Variants in SATB1 observed in about 807,000 individuals in gnomAD.
SATB1 encodes the protein DNA-binding protein SATB1.
A neutral mutation model predicts 86.9 loss-of-function variants in SATB1; 11 were observed. The ratio of observed to expected loss-of-function variants is 0.13; its 90% confidence interval spans 0.08 to 0.21. The LOEUF is 0.21. Ranked by LOEUF, SATB1 falls within the 10% of genes least tolerant of loss-of-function variation. SATB1 has a pLI of 1.00. For missense variants in SATB1, 551 were observed against 937.6 expected (o/e 0.59, Z 5.39); for synonymous variants, 357 against 357.2 (o/e 1.00, Z 0.01).
Position 18,346,658 on chromosome 3 carries a change from A to G in SATB1, c.*2512T>C, listed in dbSNP as rs912145441. On this transcript the variant is annotated 3_prime_UTR_variant, in exon 11 of 11. Transcript: ENST00000338745. ...TTATCAAAACCACGCTGACTTTTAA[A>G]AGTTAAAAAATCTAAGTGGGAATTT... 1.3e-5 allele frequency: 2 copies of G among 152,024 alleles called. 1 individual carries two copies. Among genetic ancestry groups the G allele is most frequent in the Non-Finnish European group, 2.9e-5 (2 of 67,974 alleles). The allele number at this position is 152,024 out of a possible 1,614,324, so 9.4% of individuals were successfully genotyped here.
rs569037609 is a variant in SATB1, at chr3:18,349,524, C to T, written c.1938G>A (p.Arg646=). 8.1e-5 allele frequency: 130 copies of T among 1,613,994 alleles called. No individual in the cohort carries two copies. The highest frequency in any genetic ancestry group is 5.3e-5 in the Non-Finnish European group (62 of 1,180,034). Residue 646 remains arginine (R), a synonymous_variant, in exon 11 of 11, where the codon CGG becomes CGA. Coordinates refer to ENST00000338745, the MANE Select transcript of SATB1 (RefSeq NM_002971.6). The surrounding 1 kb of genome is among the most constrained non-coding windows in gnomAD (Gnocchi z 5.5). The part of the protein sequence containing the change: ...ESDEENRQKT[R]PRTKISVEAL... ...CTTCCACTGAAATTTTTGTTCGTGG[C>T]CGGGTCTTCTGTCGGTTTTCCTCAT... is the stretch of plus-strand genomic sequence containing the variant.
intron 1 of SATB1, among the ~76,000 whole-genome samples, chr3:18,437,444 A>G (rs1392125765): frequency 1.3e-5 from 2 of 152,176 alleles, no homozygotes; most frequent in Non-Finnish European, 2.9e-5. Context: ...TAAAGAATCA[A>G]GCAAGCAGCC....
chr3:18,397,332 C>A, intron 5 of SATB1, 42 bp from the exon 6 acceptor site: 1 of 1,066,896 alleles, frequency 9.4e-7, no homozygotes, highest in Non-Finnish European at 1.5e-6. Context: ...TACACAGCAG[C>A]ACAAGATGGA....
Position 18,386,517 on chromosome 3 carries a change from T to A in SATB1, c.1301A>T (p.Gln434Leu). The A allele has an allele frequency of 6.2e-7, 1 of 1,614,134 alleles. No individual in the cohort carries two copies. The highest frequency in any genetic ancestry group is 2.2e-5 in the East Asian group (1 of 44,872). The change falls in exon 8 of 11, where the codon CAG (glutamine) becomes CTG (leucine). Residue 434 changes from glutamine to leucine, a missense_variant. Transcript: ENST00000338745. The surrounding 1 kb of genome is among the most constrained non-coding windows in gnomAD (Gnocchi z 4.5). ...VNLRAMQNFL[Q>L]LPEAERDRIY... ...TCGGTCTCTTTCAGCTTCCGGTAACTGCAAGAAATTCTGCATAGCCCGAAG... is the reference window on the plus strand; with the variant it reads ...TCGGTCTCTTTCAGCTTCCGGTAACAGCAAGAAATTCTGCATAGCCCGAAG...
At position 18,444,641 on chromosome 3, in the gene SATB1, G is replaced by C. The variant is rs1345340069; in HGVS notation, c.-25+877C>G. ...GACGTTGGGGGCGGCGGTGGCTGTC[G>C]AGTGCGGGCCTGAAACCAAGAACGG... On this transcript the variant is annotated intron_variant, in intron 1 of 3. Coordinates refer to the SATB1 transcript ENST00000415069. This position sits in a 1 kb window ranked among gnomAD's most constrained non-coding sequence, Gnocchi z 5.1. 5.1e-6 allele frequency: 5 copies of C among 985,060 alleles called. No homozygotes were observed. Among genetic ancestry groups the C allele is most frequent in the Non-Finnish European group, 6.0e-6 (5 of 829,960 alleles). The allele number at this position is 985,060 out of a possible 1,614,324, so 61.0% of individuals were successfully genotyped here. A position where few individuals can be genotyped will look rare whatever the true frequency, so the allele number is the denominator to read the frequency against.
At chr3:18,445,135 G>A (rs1699356511) in intron 1 of SATB1, 3 of 830,308 alleles carry the variant, frequency 3.6e-6, no homozygotes, top group Non-Finnish European at 4.3e-6. Context: ...CGTAGCCGCC[G>A]CTTCGGAGCT....
chr3:18,442,267 C>T (rs990424514), upstream of SATB1, among the ~76,000 whole-genome samples: 1 of 150,720 alleles, frequency 6.6e-6, no homozygotes, highest in African/African-American at 2.4e-5. Context: ...TATTTATATT[C>T]ATTATTCAGA....
At position 18,349,867 on chromosome 3, in the gene SATB1, T is replaced by C. The variant is rs1457434323; in HGVS notation, c.1780-185A>G. On this transcript the variant is annotated intron_variant, in intron 10 of 10. Transcript: ENST00000338745. This position sits in a 1 kb window ranked among gnomAD's most constrained non-coding sequence, Gnocchi z 5.5. ...CATTTACAAAAAAATCAAAATGATATGACTAGGAAGGGATGAATTAAGACA... is the reference window on the plus strand; with the variant it reads ...CATTTACAAAAAAATCAAAATGATACGACTAGGAAGGGATGAATTAAGACA... 2 of 1,070,714 alleles carry C rather than the reference T, an allele frequency of 1.9e-6. No individual in the cohort carries two copies. The highest frequency in any genetic ancestry group is 1.8e-5 in the South Asian group (1 of 56,596). The allele number at this position is 1,070,714 out of a possible 1,614,324, so 66.3% of individuals were successfully genotyped here.
chr3:18,390,793 G>A (rs1424213457), intron 7 of SATB1, among the ~76,000 whole-genome samples: 1 of 152,054 alleles, frequency 6.6e-6, no homozygotes, highest in Non-Finnish European at 1.5e-5. Flanking sequence ...GCCACAGAGT[G>A]GGATCAGAGT....
At chr3:18,364,721 A>G (rs1230149177) in intron 9 of SATB1, among the ~76,000 whole-genome samples, 2 of 151,816 alleles carry the variant, frequency 1.3e-5, no homozygotes, top group East Asian at 1.9e-4. Flanking sequence ...GTATGTATGT[A>G]TATATATATA....
chr3:18,352,377 G>T lies in SATB1; in HGVS notation c.1576-182C>A. The T allele has an allele frequency of 1.7e-6, 1 of 576,888 alleles. No homozygotes were observed. The highest frequency in any genetic ancestry group is 1.9e-5 in the African/African-American group (1 of 53,674). The allele number at this position is 576,888 out of a possible 1,614,324, so 35.7% of individuals were successfully genotyped here. A position where few individuals can be genotyped will look rare whatever the true frequency, so the allele number is the denominator to read the frequency against. On this transcript the variant is annotated intron_variant, in intron 9 of 10. Transcript: ENST00000338745. This position sits in a 1 kb window ranked among gnomAD's most constrained non-coding sequence, Gnocchi z 4.1. ...GTTATCTGTGGCTGTCAAGGAGGCA[G>T]ACTCTGTTTCTAATCAAAGTTCAGA...
At chr3:18,400,720 T>C (rs1339684077) in intron 5 of SATB1, among the ~76,000 whole-genome samples, 1 of 152,186 alleles carries the variant, frequency 6.6e-6, no homozygotes, top group Non-Finnish European at 1.5e-5. Context: ...TGCCTCCTCC[T>C]CATCACTGGG....
At chr3:18,428,439 T>A (rs1295432774), upstream of SATB1, among the ~76,000 whole-genome samples, 5 of 152,178 alleles carry the variant, frequency 3.3e-5, no homozygotes, top group African/African-American at 1.2e-4. Flanking sequence ...GGGGATTAAA[T>A]TTCAACATGA....
intron 1 of SATB1, chr3:18,445,130 C>A: frequency 2.5e-6 from 2 of 795,112 alleles, no homozygotes; most frequent in Non-Finnish European, 3.0e-6. Context: ...CCCCGCGTAG[C>A]CGCCGCTTCG....
intron 5 of SATB1, 153 bp downstream of exon 5, chr3:18,414,958 A>G (rs908537504): frequency 7.0e-5 from 52 of 737,900 alleles, no homozygotes; most frequent in Non-Finnish European, 2.4e-5. Flanking sequence ...GGAATCAGGC[A>G]TATTTTAAAA....
At position 18,444,199 on chromosome 3, in the gene SATB1, A is replaced by G. The variant is rs1246261781; in HGVS notation, c.-25+1319T>C. The stretch of plus-strand genomic sequence containing the variant: ...GCCCGCCCGGCTCCAGAACGCACCG[A>G]GAGGCTCCCCTTTTCCCCATTTGCT... On this transcript the variant is annotated intron_variant, in intron 1 of 3. Coordinates refer to the SATB1 transcript ENST00000415069. This position sits in a 1 kb window ranked among gnomAD's most constrained non-coding sequence, Gnocchi z 5.1. 6.6e-6 allele frequency among the ~76,000 whole-genome samples: 1 copy of G among 151,936 alleles called. No homozygotes were observed. Among genetic ancestry groups the G allele is most frequent in the Non-Finnish European group, 1.5e-5 (1 of 67,976 alleles).
intron 5 of SATB1, among the ~76,000 whole-genome samples, chr3:18,404,509 A>C (rs1447941075): frequency 6.6e-6 from 1 of 152,044 alleles, no homozygotes; most frequent in Non-Finnish European, 1.5e-5. Flanking sequence ...ACAAAGCTCC[A>C]AAGGAATACA....
rs752056998 is a variant in SATB1, at chr3:18,347,345, G to C, written c.*1825C>G. The stretch of plus-strand genomic sequence containing the variant: ...ATTAGCACACCTCATTTTATATTCT[G>C]GCATTTTACTATGTTTAATGTTGCA... On this transcript the variant is annotated 3_prime_UTR_variant, in exon 11 of 11. Transcript: ENST00000338745. The C allele has an allele frequency of 6.6e-5, 10 of 152,026 alleles. No individual in the cohort carries two copies. Among genetic ancestry groups the C allele is most frequent in the Non-Finnish European group, 1.2e-4 (8 of 67,974 alleles). The allele number at this position is 152,026 out of a possible 1,614,324, so 9.4% of individuals were successfully genotyped here.
At chr3:18,376,965 T>C (rs145022685) in intron 9 of SATB1, among the ~76,000 whole-genome samples, 75 of 152,330 alleles carry the variant, frequency 4.9e-4, no homozygotes, top group Middle Eastern at 3.4e-3. Context: ...TATAAAGCTA[T>C]AATTTTTACA....
Sources: gnomAD v4.1 joint callset for allele counts (sites outside exome capture counted in the v4.1 genomes callset) on GRCh38, gnomAD v4.1.1 for gene constraint, Gnocchi (gnomAD v3.1) non-coding constraint, MANE v1.5 for transcripts, NCBI Gene and HGNC (gene_info 2026-07-23, HGNC 2026-07-21) for gene names.